Variants in BPNT2 observed in about 807,000 individuals in gnomAD.
BPNT2 encodes the protein Golgi-resident adenosine 3',5'-bisphosphate 3'-phosphatase.
Under a neutral mutation model 29.3 loss-of-function variants are expected in BPNT2, and 11 were observed. That is an observed-to-expected ratio of 0.38 (90% confidence interval 0.24 to 0.62). The LOEUF (loss-of-function observed/expected upper bound fraction) is 0.62, where lower values mean the gene tolerates loss of function less well. BPNT2 is among the 20% of genes least tolerant of loss of function. The pLI, the probability that BPNT2 is intolerant of heterozygous loss-of-function variation, is 0.62. For missense variants in BPNT2, 459 were observed against 473.4 expected, an observed-to-expected ratio of 0.97 and a Z score of 0.28; for synonymous variants, 195 against 187.7, an observed-to-expected ratio of 1.04 and a Z score of -0.32.
At chr8:56,964,314 T>A (rs1377240584) in intron 4 of BPNT2, 1 of 334,802 alleles carries the variant, frequency 3.0e-6, no homozygotes, top group Non-Finnish European at 5.5e-6. Context: ...TTATTTATTT[T>A]TTGAGACAGA....
At chr8:56,980,954 GTATT>G (rs1373954329) in intron 1 of BPNT2, among the ~76,000 whole-genome samples, 1 of 151,064 alleles carries the variant, frequency 6.6e-6, no homozygotes, top group Non-Finnish European at 1.5e-5. Flanking sequence ...CTTTATGTAA[GTATT>G]CTATTCATTT....
Position 56,991,885 on chromosome 8 carries a change from T to A in BPNT2, c.387+1314A>T, listed in dbSNP as rs550753157. Among the ~76,000 whole-genome samples the A allele has an allele frequency of 1.5e-3, 233 of 151,966 alleles. 1 individual carries two copies. Among genetic ancestry groups the A allele is most frequent in the African/African-American group, 5.5e-3 (227 of 41,452 alleles). ...CACCTTACATCTAGATGCAAAAAAA[T>A]TTAAGTATTATTTGTGATGATAAAA... On this transcript the variant is annotated intron_variant, in intron 1 of 4. Transcript: ENST00000262644.
chr8:56,979,848 T>C (rs1053214668), intron 2 of BPNT2, among the ~76,000 whole-genome samples, 187 bp downstream of exon 2: 1 of 152,176 alleles, frequency 6.6e-6, no homozygotes, highest in African/African-American at 2.4e-5. Flanking sequence ...CGAGTAAACA[T>C]TAAATTCTGG....
chr8:56,991,464 T>C (rs116884988), intron 1 of BPNT2, among the ~76,000 whole-genome samples: 348 of 152,388 alleles, frequency 2.3e-3, no homozygotes, highest in Non-Finnish European at 4.3e-3. Flanking sequence ...ACATTTAAGA[T>C]ACTTTTGTTT....
intron 1 of BPNT2, among the ~76,000 whole-genome samples, chr8:56,988,336 A>G (rs1357984820): frequency 1.3e-5 from 2 of 152,184 alleles, no homozygotes; most frequent in African/African-American, 4.8e-5. Context: ...CCTGAGTTCA[A>G]ATGCCAACTC....
intron 3 of BPNT2, among the ~76,000 whole-genome samples, chr8:56,971,574 A>G (rs1296389599): frequency 1.3e-5 from 2 of 152,194 alleles, no homozygotes; most frequent in Non-Finnish European, 2.9e-5. Context: ...ATGAATGCAT[A>G]AAATATGTTG....
In BPNT2 at chr8:56,960,509, T is replaced by C. The variant is rs942199294; in HGVS notation, c.*3284A>G. 2.0e-5 allele frequency: 3 copies of C among 152,254 alleles called. No homozygotes were observed. Among genetic ancestry groups the C allele is most frequent in the African/African-American group, 7.2e-5 (3 of 41,470 alleles). The allele number at this position is 152,254 out of a possible 1,614,324, so 9.4% of individuals were successfully genotyped here. A position where few individuals can be genotyped will look rare whatever the true frequency, so the allele number is the denominator to read the frequency against. On this transcript the variant is annotated 3_prime_UTR_variant, in exon 5 of 5. Coordinates refer to ENST00000262644, the MANE Select transcript of BPNT2 (RefSeq NM_017813.5). ...TTAAAACATACAAACCAAAATGTTTTTGTTACTTCATTATATAGTATAAAC... is the reference window on the plus strand; with the variant it reads ...TTAAAACATACAAACCAAAATGTTTCTGTTACTTCATTATATAGTATAAAC...
chr8:56,992,134 C>A (rs1431272470), intron 1 of BPNT2, among the ~76,000 whole-genome samples: 2 of 152,094 alleles, frequency 1.3e-5, no homozygotes, highest in African/African-American at 4.8e-5. Flanking sequence ...AAGCCTTATG[C>A]AAAATACATA....
chr8:56,971,211 T>C (rs1806024863), intron 3 of BPNT2, among the ~76,000 whole-genome samples: 1 of 149,710 alleles, frequency 6.7e-6, no homozygotes, highest in African/African-American at 2.5e-5. Context: ...TAATGAGGTA[T>C]AGTGGTAAGG....
At chr8:56,986,012 A>G (rs968840925) in intron 1 of BPNT2, among the ~76,000 whole-genome samples, 4 of 152,240 alleles carry the variant, frequency 2.6e-5, no homozygotes, top group Non-Finnish European at 5.9e-5. Flanking sequence ...AACATCAACT[A>G]GGTCACAGTC....
At chr8:56,973,866 A>G (rs1806078805) in intron 3 of BPNT2, among the ~76,000 whole-genome samples, 1 of 152,218 alleles carries the variant, frequency 6.6e-6, no homozygotes, top group Non-Finnish European at 1.5e-5. Context: ...CCATATAGTA[A>G]AATTTTTAGA....
At chr8:56,969,671 A>G (rs550316124) in intron 3 of BPNT2, among the ~76,000 whole-genome samples, 1 of 152,350 alleles carries the variant, frequency 6.6e-6, no homozygotes, top group Admixed American at 6.5e-5. Context: ...GAACCAAGAG[A>G]CAATGAGACA....
chr8:56,982,270 C>T (rs1806258269), intron 1 of BPNT2, among the ~76,000 whole-genome samples: 1 of 151,860 alleles, frequency 6.6e-6, no homozygotes. Flanking sequence ...CTACAGGCAC[C>T]CACCACCACA....
chr8:56,986,806 G>C (rs769664253), intron 1 of BPNT2, among the ~76,000 whole-genome samples: 1 of 152,174 alleles, frequency 6.6e-6, no homozygotes, highest in African/African-American at 2.4e-5. Context: ...CAGAATGGTT[G>C]TATGGGTACT....
rs12548157 is a variant in BPNT2, at chr8:56,974,746, G to T, written c.646+3304C>A. ...GGGTATTATATTACTAACTTAAAAA[G>T]ACATTTTTAGAAACCACTTTTTGCT... On this transcript the variant is annotated intron_variant, in intron 3 of 4. Coordinates refer to ENST00000262644, the MANE Select transcript of BPNT2 (RefSeq NM_017813.5). Among the ~76,000 whole-genome samples, 1,515 of 152,256 alleles carry T rather than the reference G, an allele frequency of 1.0e-2. 35 individuals carry two copies. The highest frequency in any genetic ancestry group is 0.073 in the East Asian group (377 of 5,178).
intron 1 of BPNT2, among the ~76,000 whole-genome samples, chr8:56,986,549 G>A (rs1039104857): frequency 2.6e-5 from 4 of 152,156 alleles, no homozygotes; most frequent in African/African-American, 4.8e-5. Flanking sequence ...ATGGGGTTAC[G>A]TCCTGATAAA....
At chr8:56,978,028 A>G in intron 3 of BPNT2, 22 bp downstream of exon 3, 1 of 1,376,306 alleles carries the variant, frequency 7.3e-7, no homozygotes, top group Non-Finnish European at 1.0e-6. Context: ...ATAATTCTTG[A>G]AAGTTCTAGC....
At chr8:56,981,131 C>CA (rs1280727895) in intron 1 of BPNT2, among the ~76,000 whole-genome samples, 5 of 152,098 alleles carry the variant, frequency 3.3e-5, no homozygotes, top group Non-Finnish European at 4.4e-5. Flanking sequence ...CCAGCAACAA[C>CA]ACCCTCAGGT....
At chr8:56,993,144 A>G in intron 1 of BPNT2, 55 bp downstream of exon 1, 2 of 1,558,458 alleles carry the variant, frequency 1.3e-6, no homozygotes, top group South Asian at 2.3e-5. Flanking sequence ...TTAAGAGTCG[A>G]CGGGCCGAGA....
Sources: gnomAD v4.1 joint callset for allele counts (sites outside exome capture counted in the v4.1 genomes callset) on GRCh38, gnomAD v4.1.1 for gene constraint, MANE v1.5 for transcripts, NCBI Gene and HGNC (gene_info 2026-07-23, HGNC 2026-07-21) for gene names.